Variants in SMARCA2 observed in about 807,000 individuals in gnomAD.
The protein encoded by SMARCA2 is SWI/SNF-related matrix-associated actin-dependent regulator of chromatin subfamily A member 2.
SMARCA2 carries 61 observed loss-of-function variants against 199.8 expected under a neutral mutation model. The ratio of observed to expected loss-of-function variants is 0.31; its 90% CI spans 0.25 to 0.38. The LOEUF is 0.38. SMARCA2 is among the 10% of genes least tolerant of loss of function. The pLI is 1.00. For synonymous variants in SMARCA2, 935 were observed against 732.0 expected (o/e 1.28, Z -4.48); for missense variants, 1,344 against 2,012.2 (o/e 0.67, Z 6.35).
At chr9:2,018,064 T>A (rs1385019634) in intron 1 of SMARCA2, 1 of 152,232 alleles carries the variant, frequency 6.6e-6, no homozygotes, top group African/African-American at 2.4e-5. Flanking sequence ...CCGGGGCTGT[T>A]GCACATTCAA....
chr9:2,034,942 A>G (rs1248436707), intron 3 of SMARCA2, among the ~76,000 whole-genome samples: 1 of 152,228 alleles, frequency 6.6e-6, no homozygotes, highest in Non-Finnish European at 1.5e-5. Flanking sequence ...ATGAAGTAAG[A>G]CAATATTTCC....
intron 26 of SMARCA2, among the ~76,000 whole-genome samples, chr9:2,122,421 G>A (rs758971876): frequency 2.8e-4 from 43 of 152,114 alleles, no homozygotes; most frequent in Non-Finnish European, 5.7e-4. Flanking sequence ...ACCTCTGTGT[G>A]CCAGTTATGA....
intron 9 of SMARCA2, among the ~76,000 whole-genome samples, chr9:2,062,472 TTAGA>T (rs1820639869): frequency 6.6e-6 from 1 of 152,206 alleles, no homozygotes. Context: ...TGCCGTGGTG[TTAGA>T]TAGTTGCATC....
chr9:2,065,184 CA>C (rs1219843223), intron 9 of SMARCA2, among the ~76,000 whole-genome samples: 7 of 145,618 alleles, frequency 4.8e-5, no homozygotes, highest in South Asian at 2.2e-4. Flanking sequence ...GACTCTGTCT[CA>C]AAAAAAAAAG....
chr9:2,143,113 G>A (rs74691112), intron 27 of SMARCA2, among the ~76,000 whole-genome samples: 3,068 of 152,240 alleles, frequency 0.02, 114 homozygotes, highest in African/African-American at 0.07. Flanking sequence ...GGGGAAGGAG[G>A]GAACTGCGTA....
At chr9:2,112,375 G>A (rs777460205) in intron 24 of SMARCA2, among the ~76,000 whole-genome samples, 19 of 152,218 alleles carry the variant, frequency 1.2e-4, no homozygotes, top group Non-Finnish European at 2.2e-4. Context: ...CACTGGCACA[G>A]TATACAGTAT....
chr9:2,159,968 T>C, intron 27 of SMARCA2: 1 of 1,563,572 alleles, frequency 6.4e-7, no homozygotes, highest in Admixed American at 1.9e-5. Context: ...CCCAGGCATG[T>C]GTAGGTGTGT....
rs76827285 is a variant in SMARCA2 at position 2,109,820 on chromosome 9, C to T, written c.3293-434C>T. The stretch of plus-strand genomic sequence containing the variant: ...TCTATTTTCTTGGCATAAAAAAAGT[C>T]CTTGCTTTAATGCCTATTGGCAAAG... On this transcript the variant is annotated intron_variant, in intron 23 of 33. Coordinates refer to ENST00000349721, the MANE Select transcript of SMARCA2 (RefSeq NM_003070.5). 7.2e-3 allele frequency among the ~76,000 whole-genome samples: 1,093 copies of T among 152,164 alleles called. 8 individuals are homozygous for T. Among genetic ancestry groups the T allele is most frequent in the African/African-American group, 0.025 (1,045 of 41,510 alleles).
rs1380402569 is a variant in SMARCA2, at chr9:2,086,239, T to C, written c.2527-590T>C. ...CCGTATGTACAAATTTAATGTGAAA[T>C]AGTCCAACTTTTAAATGTTAGCAAC... On this transcript the variant is annotated intron_variant, in intron 17 of 33. Coordinates refer to ENST00000349721, the MANE Select transcript of SMARCA2 (RefSeq NM_003070.5). This position sits in a 1 kb window ranked among gnomAD's most constrained non-coding sequence, Gnocchi z 4.3. The C allele has an allele frequency of 6.5e-6, 1 of 153,602 alleles. No homozygotes were observed. Among genetic ancestry groups the C allele is most frequent in the Non-Finnish European group, 1.4e-5 (1 of 69,108 alleles). The allele number at this position is 153,602 out of a possible 1,614,324, so 9.5% of individuals were successfully genotyped here. A position where few individuals can be genotyped will look rare whatever the true frequency, so the allele number is the denominator to read the frequency against.
At chr9:2,132,927 G>A (rs978050704) in intron 27 of SMARCA2, among the ~76,000 whole-genome samples, 6 of 151,878 alleles carry the variant, frequency 4.0e-5, no homozygotes, top group Non-Finnish European at 8.8e-5. Flanking sequence ...TATATAATTC[G>A]GGAGAATAAA....
At chr9:2,047,603 C>A in intron 5 of SMARCA2, 119 bp downstream of exon 5, 1 of 1,158,820 alleles carries the variant, frequency 8.6e-7, no homozygotes, top group South Asian at 3.5e-5. Flanking sequence ...CCCGTGCGGT[C>A]GGAAAACTTT....
At chr9:2,140,509 C>G (rs560031815) in intron 27 of SMARCA2, among the ~76,000 whole-genome samples, 3 of 152,124 alleles carry the variant, frequency 2.0e-5, no homozygotes, top group Admixed American at 6.5e-5. Context: ...CTGTTCTGTT[C>G]TGTCTTTCTG....
At chr9:2,131,990 C>G (rs3793499) in intron 27 of SMARCA2, among the ~76,000 whole-genome samples, 46,435 of 150,384 alleles carry the variant, frequency 0.31, 11,679 homozygotes, top group African/African-American at 0.69. Context: ...AGGTGCTAAT[C>G]AGTAAGGTAA....
At chr9:2,105,483 A>T (rs1006320567) in intron 23 of SMARCA2, among the ~76,000 whole-genome samples, 6 of 151,854 alleles carry the variant, frequency 4.0e-5, no homozygotes, top group African/African-American at 1.5e-4. Context: ...TGAACTCCTG[A>T]CCTCAAGTGA....
chr9:2,146,756 A>T (rs1356466964), intron 27 of SMARCA2, among the ~76,000 whole-genome samples: 1 of 152,128 alleles, frequency 6.6e-6, no homozygotes. Context: ...TAGACCACAT[A>T]GGGTAACTTC....
chr9:2,125,090 A>G (rs1481677530), intron 27 of SMARCA2, among the ~76,000 whole-genome samples: 1 of 152,190 alleles, frequency 6.6e-6, no homozygotes, highest in Non-Finnish European at 1.5e-5. Context: ...TTGAGATTAG[A>G]TACCAAAGGC....
At chr9:2,174,786 G>A (rs1288554406) in intron 29 of SMARCA2, among the ~76,000 whole-genome samples, 1 of 151,724 alleles carries the variant, frequency 6.6e-6, no homozygotes, top group African/African-American at 2.4e-5. Context: ...TGGGTGTGGT[G>A]GCATACTCCA....
intron 32 of SMARCA2, among the ~76,000 whole-genome samples, chr9:2,186,937 T>C (rs1827501208): frequency 6.6e-6 from 1 of 152,224 alleles, no homozygotes; most frequent in African/African-American, 2.4e-5. Flanking sequence ...TTCTCAAACC[T>C]GGAGGGCTTG....
intron 27 of SMARCA2, among the ~76,000 whole-genome samples, chr9:2,149,899 T>A (rs1394152415): frequency 6.6e-6 from 1 of 151,600 alleles, no homozygotes; most frequent in African/African-American, 2.4e-5. Flanking sequence ...CAAATAACCT[T>A]TTATATACTT....
Sources: allele counts gnomAD v4.1 joint callset (sites outside exome capture counted in the v4.1 genomes callset), GRCh38; gene constraint gnomAD v4.1.1; non-coding constraint Gnocchi (gnomAD v3.1); transcripts MANE v1.5; gene names NCBI Gene and HGNC (gene_info 2026-07-23, HGNC 2026-07-21).